Variants in CTNNA2 observed in about 807,000 individuals in gnomAD.
CTNNA2 encodes catenin alpha 2.
In CTNNA2, 42 loss-of-function variants were observed where a neutral mutation model predicts 101.0. The ratio of observed to expected loss-of-function variants is 0.42; its 90% CI spans 0.32 to 0.54. CTNNA2 has a LOEUF of 0.54. CTNNA2 is among the 20% of genes least tolerant of loss of function. The pLI, the probability that CTNNA2 is intolerant of heterozygous loss-of-function variation, is 0.14. For missense variants in CTNNA2, 871 were observed against 1,223.1 expected, an observed-to-expected ratio of 0.71 and a Z score of 4.29; for synonymous variants, 450 against 456.4, an observed-to-expected ratio of 0.99 and a Z score of 0.18.
At chr2:80,003,133 C>G (rs1256515776) in intron 7 of CTNNA2, among the ~76,000 whole-genome samples, 1 of 152,124 alleles carries the variant, frequency 6.6e-6, no homozygotes, top group East Asian at 1.9e-4. Context: ...GGAGAACCAT[C>G]GTCACCACTG....
intron 4 of CTNNA2, 100 bp downstream of exon 4, chr2:79,858,279 C>G: frequency 1.1e-6 from 1 of 926,436 alleles, no homozygotes; most frequent in Non-Finnish European, 1.6e-6. Flanking sequence ...TCATTGCTCA[C>G]CAGATCAGTT....
At chr2:79,821,592 T>C (rs1678010043) in intron 3 of CTNNA2, among the ~76,000 whole-genome samples, 2 of 152,182 alleles carry the variant, frequency 1.3e-5, no homozygotes, top group African/African-American at 2.4e-5. Context: ...AGTTGGACGC[T>C]AGATATATAA....
At chr2:79,974,778 A>T (rs183395737) in intron 7 of CTNNA2, among the ~76,000 whole-genome samples, 8 of 152,312 alleles carry the variant, frequency 5.3e-5, no homozygotes, top group Admixed American at 4.6e-4. Flanking sequence ...CAAATAAAAC[A>T]TGCAATGTTA....
Position 80,322,237 on chromosome 2 carries a change from A to G in CTNNA2, c.1057-70974A>G, listed in dbSNP as rs370701614. 1.5e-4 allele frequency among the ~76,000 whole-genome samples: 23 copies of G among 152,200 alleles called. No individual in the cohort carries two copies. In the East Asian group the frequency reaches 2.1e-3, roughly 14 times the overall value. The stretch of plus-strand genomic sequence containing the variant: ...AGTTGGAGCCACTAAAGCAAACTCA[A>G]TATACGTCACTGTCAATAAAATGCC... On this transcript the variant is annotated intron_variant, in intron 7 of 18. Coordinates refer to ENST00000402739, the MANE Select transcript of CTNNA2 (RefSeq NM_001282597.3).
intron 7 of CTNNA2, among the ~76,000 whole-genome samples, chr2:80,111,396 G>A (rs934285917): frequency 2.8e-4 from 43 of 152,340 alleles, no homozygotes; most frequent in Middle Eastern, 3.4e-3. Context: ...GATGTGGCAG[G>A]AAACTCACAT....
At chr2:80,436,443 G>A (rs1023288702) in intron 9 of CTNNA2, among the ~76,000 whole-genome samples, 90 of 151,974 alleles carry the variant, frequency 5.9e-4, no homozygotes, top group African/African-American at 2.1e-3. Context: ...AGATGCTCTG[G>A]GGGGTGGTGG....
chr2:80,076,530 GC>G (rs916931001), intron 7 of CTNNA2, among the ~76,000 whole-genome samples: 13 of 151,432 alleles, frequency 8.6e-5, no homozygotes, highest in African/African-American at 2.2e-4. Flanking sequence ...CGATCCTCCT[GC>G]CTTGGCGTCC....
At chr2:79,417,467 A>G (rs1678496132) in intron 4 of CTNNA2, among the ~76,000 whole-genome samples, 1 of 152,184 alleles carries the variant, frequency 6.6e-6, no homozygotes, top group South Asian at 2.1e-4. Context: ...GAGAAGGGCT[A>G]TGTGTTCACT....
At chr2:79,728,058 A>G (rs1191012194) in intron 2 of CTNNA2, among the ~76,000 whole-genome samples, 1 of 152,156 alleles carries the variant, frequency 6.6e-6, no homozygotes, top group Non-Finnish European at 1.5e-5. Flanking sequence ...GTGTCTTTAT[A>G]GCAGCATGAT....
chr2:79,248,321 T>G (rs527949990), intron 2 of CTNNA2, among the ~76,000 whole-genome samples: 4 of 151,886 alleles, frequency 2.6e-5, no homozygotes, highest in Non-Finnish European at 5.9e-5. Flanking sequence ...AAAACAAAAG[T>G]AAAAAGAAAC....
chr2:80,189,326 A>G (rs1467288567), intron 7 of CTNNA2, among the ~76,000 whole-genome samples: 1 of 152,172 alleles, frequency 6.6e-6, no homozygotes, highest in African/African-American at 2.4e-5. Flanking sequence ...GCCAATGCTG[A>G]GTGCTGATTC....
At chr2:80,339,273 A>T (rs558603050) in intron 7 of CTNNA2, among the ~76,000 whole-genome samples, 1 of 152,254 alleles carries the variant, frequency 6.6e-6, no homozygotes, top group Non-Finnish European at 1.5e-5. Context: ...TTATAGCCAG[A>T]TAGTCATCAC....
In CTNNA2 at chr2:79,402,653, A is replaced by G. The variant is rs61414103; in HGVS notation, c.-135+28640A>G. 4.7e-4 allele frequency among the ~76,000 whole-genome samples: 72 copies of G among 151,928 alleles called. No individual in the cohort carries two copies. The East Asian group carries it at 0.014, about 29-fold the overall frequency. ...GCATCATAGGTAACTGAAACTTCAG[A>G]GAGTGAAACTGTGGGTAGGCAAACT... On this transcript the variant is annotated intron_variant, in intron 4 of 21. Coordinates refer to the CTNNA2 transcript ENST00000466387.
intron 2 of CTNNA2, among the ~76,000 whole-genome samples, chr2:79,240,246 G>T (rs182118284): frequency 2.0e-5 from 3 of 151,624 alleles, no homozygotes; most frequent in South Asian, 2.1e-4. Flanking sequence ...TAATTTCTGG[G>T]GTACATGTGC....
At chr2:79,477,756 G>A (rs897757919) in intron 4 of CTNNA2, among the ~76,000 whole-genome samples, 3 of 152,082 alleles carry the variant, frequency 2.0e-5, no homozygotes, top group East Asian at 1.9e-4. Flanking sequence ...GTAATCACAC[G>A]GAAAAGGAAC....
At chr2:79,667,370 C>T (rs554237524) in intron 2 of CTNNA2, among the ~76,000 whole-genome samples, 2 of 152,256 alleles carry the variant, frequency 1.3e-5, no homozygotes, top group African/African-American at 4.8e-5. Flanking sequence ...TCTTTGTATT[C>T]ATATTCAGAG....
intron 4 of CTNNA2, among the ~76,000 whole-genome samples, chr2:79,463,394 T>TAA (rs1670899960): frequency 1.4e-5 from 1 of 69,568 alleles, no homozygotes; most frequent in Non-Finnish European, 3.0e-5. Flanking sequence ...TGAGACTGTC[T>TAA]CAAAAAAAAA....
At chr2:79,486,614 G>A (rs1026639640) in intron 4 of CTNNA2, among the ~76,000 whole-genome samples, 1 of 152,224 alleles carries the variant, frequency 6.6e-6, no homozygotes, top group South Asian at 2.1e-4. Context: ...TGGGTCAAAT[G>A]CTATTTCTAG....
chr2:80,297,660 C>G (rs1475475547), intron 7 of CTNNA2, among the ~76,000 whole-genome samples: 1 of 152,048 alleles, frequency 6.6e-6, no homozygotes, highest in Non-Finnish European at 1.5e-5. Flanking sequence ...GTAGAGCATA[C>G]TTTAATGGAA....
Sources: allele counts gnomAD v4.1 joint callset (sites outside exome capture counted in the v4.1 genomes callset), GRCh38; gene constraint gnomAD v4.1.1; transcripts MANE v1.5; gene names NCBI Gene and HGNC (gene_info 2026-07-23, HGNC 2026-07-21).